Variants in GRIN2B observed in about 807,000 individuals in gnomAD.
GRIN2B encodes the protein glutamate ionotropic receptor NMDA type subunit 2B, also known as glutamate receptor ionotropic, NMDA 2B.
Under a neutral mutation model 114.5 loss-of-function variants are expected in GRIN2B, and 5 were observed. That is an observed-to-expected ratio of 0.04 (90% CI 0.02 to 0.09). The LOEUF is 0.09. Among genes scored for constraint, GRIN2B ranks in the 10% least tolerant of loss-of-function variants. GRIN2B has a pLI of 1.00. For missense variants in GRIN2B, 1,108 were observed against 1,943.5 expected (o/e 0.57, Z 8.08); for synonymous variants, 787 against 745.1 (o/e 1.06, Z -0.92).
intron 2 of GRIN2B, among the ~76,000 whole-genome samples, chr12:13,890,793 A>G (rs1341302089): frequency 6.6e-6 from 1 of 152,148 alleles, no homozygotes; most frequent in Non-Finnish European, 1.5e-5. Flanking sequence ...GTCTGGAAAC[A>G]GTGTGATTCC....
chr12:13,890,320 A>C (rs1030472638), intron 2 of GRIN2B, among the ~76,000 whole-genome samples: 7 of 152,180 alleles, frequency 4.6e-5, no homozygotes, highest in African/African-American at 1.4e-4. Flanking sequence ...TACCGCCTCT[A>C]GTAAGCAAAC....
Position 13,550,612 on chromosome 12 carries a change from T to G in GRIN2B, c.*12171A>C, listed in dbSNP as rs1478653931. ...ACCTTATGGATTCCATCAGGTCAAA[T>G]AGGACAGTTAGCAGGATAACTATGT... On this transcript the variant is annotated 3_prime_UTR_variant, in exon 14 of 14. Coordinates refer to ENST00000609686, the MANE Select transcript of GRIN2B (RefSeq NM_000834.5). 6.6e-6 allele frequency: 1 copy of G among 152,108 alleles called. No individual in the cohort carries two copies. The highest frequency in any genetic ancestry group is 1.5e-5 in the Non-Finnish European group (1 of 68,024). 9.4% of individuals were successfully genotyped at this position (152,108 alleles called of 1,614,324 possible).
chr12:13,722,404 T>A (rs367740667), intron 4 of GRIN2B, among the ~76,000 whole-genome samples: 3 of 152,042 alleles, frequency 2.0e-5, no homozygotes, highest in Admixed American at 6.6e-5. Flanking sequence ...AAATTCAAGA[T>A]CTTTTGCTTT....
chr12:13,686,388 C>A (rs1440658885), intron 4 of GRIN2B, among the ~76,000 whole-genome samples: 1 of 152,072 alleles, frequency 6.6e-6, no homozygotes, highest in Non-Finnish European at 1.5e-5. Flanking sequence ...CACTGGGAAG[C>A]TGAAAGAAAC....
At chr12:13,820,281 A>G (rs1440960786) in intron 3 of GRIN2B, among the ~76,000 whole-genome samples, 1 of 152,120 alleles carries the variant, frequency 6.6e-6, no homozygotes, top group Admixed American at 6.5e-5. Flanking sequence ...TAGGGACACA[A>G]CCCTATATAT....
intron 10 of GRIN2B, among the ~76,000 whole-genome samples, chr12:13,601,517 G>T (rs1347899950): frequency 6.7e-6 from 1 of 149,144 alleles, no homozygotes; most frequent in Non-Finnish European, 1.5e-5. Flanking sequence ...CATTTGCAAA[G>T]ATTTTTTTTT....
chr12:13,538,256 C>G lies in GRIN2B; in HGVS notation c.*24527G>C, dbSNP rs970085777. ...TCATTAGACTGGTCTTACTGATAGT[C>G]CCTTGCAGTGGACTTCAGGGTGGCA... On this transcript the variant is annotated 3_prime_UTR_variant, in exon 14 of 14. Coordinates refer to ENST00000609686, the MANE Select transcript of GRIN2B (RefSeq NM_000834.5). 4 of 152,136 alleles carry G rather than the reference C, an allele frequency of 2.6e-5. No individual in the cohort carries two copies. Among genetic ancestry groups the G allele is most frequent in the African/African-American group, 9.7e-5 (4 of 41,410 alleles). The allele number at this position is 152,136 out of a possible 1,614,324, so 9.4% of individuals were successfully genotyped here.
chr12:13,868,559 A>G (rs1310376924), intron 2 of GRIN2B, among the ~76,000 whole-genome samples: 1 of 152,134 alleles, frequency 6.6e-6, no homozygotes, highest in Non-Finnish European at 1.5e-5. Flanking sequence ...CTTCATTCCA[A>G]TGGTATTCTA....
chr12:13,593,932 A>G (rs929308509), intron 10 of GRIN2B, among the ~76,000 whole-genome samples: 2 of 152,226 alleles, frequency 1.3e-5, no homozygotes, highest in East Asian at 1.9e-4. Flanking sequence ...AAAGCTCATC[A>G]TCACTGGTCA....
intron 8 of GRIN2B, among the ~76,000 whole-genome samples, chr12:13,613,122 C>G (rs1355452631): frequency 6.6e-6 from 1 of 152,112 alleles, no homozygotes; most frequent in Non-Finnish European, 1.5e-5. Context: ...GCTAGAGATG[C>G]GAGCGTAAGA....
chr12:13,739,401 A>G (rs1863241208), intron 4 of GRIN2B, among the ~76,000 whole-genome samples: 1 of 143,266 alleles, frequency 7.0e-6, no homozygotes, highest in African/African-American at 2.6e-5. Flanking sequence ...AAAAAAAAAA[A>G]AGAAGAAAAG....
At chr12:13,817,381 C>T (rs975192329) in intron 3 of GRIN2B, among the ~76,000 whole-genome samples, 7 of 152,088 alleles carry the variant, frequency 4.6e-5, no homozygotes, top group Admixed American at 6.6e-5. Flanking sequence ...AGCAGATGCT[C>T]GGGAACTCGA....
rs1174230672 is a variant in GRIN2B, at chr12:13,558,787, A to G, written c.*3996T>C. 6.6e-6 allele frequency: 1 copy of G among 152,164 alleles called. No individual in the cohort carries two copies. The highest frequency in any genetic ancestry group is 1.5e-5 in the Non-Finnish European group (1 of 68,040). The allele number at this position is 152,164 out of a possible 1,614,324, so 9.4% of individuals were successfully genotyped here. ...TCTGGCTGAGGATACACAGTGACAG[A>G]TTTTGAAATAACAAAGTCCACTGTA... On this transcript the variant is annotated 3_prime_UTR_variant, in exon 14 of 14. Transcript: ENST00000609686.
At chr12:13,730,139 G>C (rs1201967273) in intron 4 of GRIN2B, among the ~76,000 whole-genome samples, 3 of 151,936 alleles carry the variant, frequency 2.0e-5, no homozygotes, top group African/African-American at 4.8e-5. Flanking sequence ...CCCCAGGCTG[G>C]GGTCCCTTGG....
At position 13,560,314 on chromosome 12, in the gene GRIN2B, C is replaced by G. The variant is rs1173966089; in HGVS notation, c.*2469G>C. On this transcript the variant is annotated 3_prime_UTR_variant, in exon 14 of 14. Transcript: ENST00000609686. Reference sequence around the variant, plus strand: ...CCATAACAAAACACTTTTTCCCTCTCATTCCCATCACCACCCCACTCCCTC... The same window carrying G: ...CCATAACAAAACACTTTTTCCCTCTGATTCCCATCACCACCCCACTCCCTC... The G allele has an allele frequency of 1.3e-5, 2 of 152,202 alleles. No homozygotes were observed. Among genetic ancestry groups the G allele is most frequent in the African/African-American group, 4.8e-5 (2 of 41,450 alleles). The allele number at this position is 152,202 out of a possible 1,614,324, so 9.4% of individuals were successfully genotyped here. A position where few individuals can be genotyped will look rare whatever the true frequency, so the allele number is the denominator to read the frequency against.
Position 13,564,771 on chromosome 12 carries a change from C to T in GRIN2B, c.2599-132G>A. Reference sequence around the variant, plus strand: ...AGCATGAAGCGAATAGTCTAATATACTATTAGATGTGGCTAGAAGTTTGCC... The same window carrying T: ...AGCATGAAGCGAATAGTCTAATATATTATTAGATGTGGCTAGAAGTTTGCC... On this transcript the variant is annotated intron_variant, in intron 13 of 13. Transcript: ENST00000609686. The surrounding 1 kb of genome is among the most constrained non-coding windows in gnomAD (Gnocchi z 4.8). The T allele has an allele frequency of 3.5e-6, 3 of 858,618 alleles. No homozygotes were observed. The highest frequency in any genetic ancestry group is 4.6e-4 in the Middle Eastern group (2 of 4,306). 53.2% of individuals were successfully genotyped at this position (858,618 alleles called of 1,614,324 possible).
At chr12:13,776,243 C>G (rs370211400) in intron 3 of GRIN2B, among the ~76,000 whole-genome samples, 1 of 151,948 alleles carries the variant, frequency 6.6e-6, no homozygotes, top group Non-Finnish European at 1.5e-5. Flanking sequence ...CATGGACACA[C>G]TGGGGGAAAT....
chr12:13,618,636 A>G (rs1310854602), intron 5 of GRIN2B, among the ~76,000 whole-genome samples: 1 of 152,194 alleles, frequency 6.6e-6, no homozygotes, highest in African/African-American at 2.4e-5. Flanking sequence ...AAAAATTTCA[A>G]CAATCTCTCA....
intron 3 of GRIN2B, among the ~76,000 whole-genome samples, chr12:13,854,533 A>G (rs1221606729): frequency 1.3e-5 from 2 of 152,044 alleles, no homozygotes; most frequent in Non-Finnish European, 2.9e-5. Flanking sequence ...ACAAGAAGCA[A>G]AAAGCAAAAA....
Sources: gnomAD v4.1 joint callset for allele counts (sites outside exome capture counted in the v4.1 genomes callset) on GRCh38, gnomAD v4.1.1 for gene constraint, Gnocchi (gnomAD v3.1) non-coding constraint, MANE v1.5 for transcripts, NCBI Gene and HGNC (gene_info 2026-07-23, HGNC 2026-07-21) for gene names.